CDK14: variants seen among roughly 807,000 people sequenced by gnomAD.
CDK14 encodes the protein cyclin-dependent kinase 14.
A neutral mutation model predicts 60.7 loss-of-function variants in CDK14; 34 were observed. The ratio of observed to expected loss-of-function variants is 0.56; its 90% CI spans 0.43 to 0.75. CDK14 has a LOEUF of 0.75. CDK14 is among the 30% of genes least tolerant of loss of function. CDK14 has a pLI of 0.00. For synonymous variants in CDK14, 197 were observed against 203.7 expected (o/e 0.97, Z 0.28); for missense variants, 482 against 564.1 (o/e 0.85, Z 1.47).
At chr7:91,168,210 C>G (rs966957949) in intron 14 of CDK14, among the ~76,000 whole-genome samples, 1 of 148,106 alleles carries the variant, frequency 6.8e-6, no homozygotes. Flanking sequence ...CGCAGTGAGC[C>G]GAGACCATGC....
At chr7:91,047,480 C>T (rs1034988517) in intron 11 of CDK14, among the ~76,000 whole-genome samples, 1 of 152,140 alleles carries the variant, frequency 6.6e-6, no homozygotes, top group Admixed American at 6.5e-5. Flanking sequence ...TTCATGACAC[C>T]AGGGACTGTT....
At chr7:90,731,176 T>G (rs1319914912) in intron 3 of CDK14, among the ~76,000 whole-genome samples, 1 of 152,218 alleles carries the variant, frequency 6.6e-6, no homozygotes, top group Non-Finnish European at 1.5e-5. Flanking sequence ...ATGTGTGGTG[T>G]TATTTCTCAG....
chr7:91,172,353 T>C (rs558884764), intron 14 of CDK14, among the ~76,000 whole-genome samples: 2 of 152,216 alleles, frequency 1.3e-5, no homozygotes, highest in South Asian at 2.1e-4. Context: ...CTCCTAAATA[T>C]TGTCTTAAAA....
At chr7:90,957,064 G>T (rs531175540) in intron 9 of CDK14, among the ~76,000 whole-genome samples, 5 of 149,694 alleles carry the variant, frequency 3.3e-5, no homozygotes, top group South Asian at 2.2e-4. Context: ...GAATAATGCC[G>T]CAATAAACAT....
intron 12 of CDK14, among the ~76,000 whole-genome samples, chr7:91,106,174 A>G (rs75159132): frequency 0.073 from 11,162 of 152,256 alleles, 588 homozygotes; most frequent in Non-Finnish European, 0.11. Flanking sequence ...CACAGTGAGT[A>G]CCAAGCAGGT....
Position 90,944,120 on chromosome 7 carries a change from C to T in CDK14, c.827-11577C>T, listed in dbSNP as rs116550071. ...TCCACTTCTCTACAACATGATGACA[C>T]AATACCAAAGTCTATCCAGATGCCA... On this transcript the variant is annotated intron_variant, in intron 8 of 14. Transcript: ENST00000380050. Among the ~76,000 whole-genome samples, 1,185 of 152,266 alleles carry T rather than the reference C, an allele frequency of 7.8e-3. 20 individuals carry two copies. The highest frequency in any genetic ancestry group is 0.028 in the African/African-American group (1,145 of 41,534).
At chr7:91,118,793 G>C (rs902861230) in intron 14 of CDK14, among the ~76,000 whole-genome samples, 2 of 152,166 alleles carry the variant, frequency 1.3e-5, no homozygotes, top group South Asian at 4.1e-4. Context: ...CTGGCTCCTG[G>C]TACGGACCTT....
chr7:91,110,668 G>A (rs559347026), intron 12 of CDK14, among the ~76,000 whole-genome samples: 5 of 152,184 alleles, frequency 3.3e-5, no homozygotes, highest in East Asian at 1.9e-4. Context: ...CAGTTTGGGC[G>A]ATTAATAATA....
intron 14 of CDK14, among the ~76,000 whole-genome samples, chr7:91,187,188 T>C (rs1277603144): frequency 1.5e-4 from 23 of 152,262 alleles, no homozygotes; most frequent in Admixed American, 1.5e-3. Context: ...AATACTCATC[T>C]CGTAGTTCTT....
At chr7:90,853,297 A>T (rs886640333) in intron 5 of CDK14, among the ~76,000 whole-genome samples, 3 of 152,158 alleles carry the variant, frequency 2.0e-5, no homozygotes, top group African/African-American at 7.2e-5. Context: ...ACATCAAAAT[A>T]CCATCAAATT....
chr7:90,759,872 C>T (rs2213981), intron 4 of CDK14, among the ~76,000 whole-genome samples: 29,035 of 152,152 alleles, frequency 0.19, 2,895 homozygotes, highest in South Asian at 0.24. Context: ...TGGTCACTTT[C>T]TCTGCTTATG....
At chr7:91,022,095 G>A (rs1224239722) in intron 10 of CDK14, among the ~76,000 whole-genome samples, 15 of 152,172 alleles carry the variant, frequency 9.9e-5, no homozygotes. Flanking sequence ...GCTGAGAGCT[G>A]CTGGTGAAAG....
chr7:90,646,774 A>G (rs1800477618), intron 2 of CDK14, among the ~76,000 whole-genome samples: 1 of 152,180 alleles, frequency 6.6e-6, no homozygotes, highest in African/African-American at 2.4e-5. Context: ...CATCGTATGG[A>G]TGTACTATAA....
intron 10 of CDK14, among the ~76,000 whole-genome samples, chr7:91,032,277 C>T (rs1796784130): frequency 6.6e-6 from 1 of 152,116 alleles, no homozygotes; most frequent in Non-Finnish European, 1.5e-5. Context: ...TTTCTGTTTA[C>T]TTCATATACC....
At chr7:90,697,719 T>C (rs574351275) in intron 2 of CDK14, among the ~76,000 whole-genome samples, 1 of 152,232 alleles carries the variant, frequency 6.6e-6, no homozygotes, top group African/African-American at 2.4e-5. Flanking sequence ...TTGTAGAATA[T>C]CTAAATAGTA....
intron 14 of CDK14, among the ~76,000 whole-genome samples, chr7:91,171,750 G>A (rs560500412): frequency 4.6e-5 from 7 of 152,188 alleles, no homozygotes; most frequent in South Asian, 2.1e-4. Flanking sequence ...GGATTCAAGC[G>A]ATTCTTCTGC....
intron 1 of CDK14, among the ~76,000 whole-genome samples, chr7:90,603,855 T>C (rs1799365296): frequency 6.6e-6 from 1 of 152,210 alleles, no homozygotes; most frequent in Non-Finnish European, 1.5e-5. Context: ...TGATATCTTC[T>C]CAAAACCCAG....
intron 10 of CDK14, among the ~76,000 whole-genome samples, chr7:91,035,833 C>CGT (rs765764443): frequency 2.0e-5 from 2 of 99,230 alleles, no homozygotes; most frequent in East Asian, 3.3e-4. Context: ...GCTTCATGGT[C>CGT]TTTTTTTTTT....
intron 1 of CDK14, among the ~76,000 whole-genome samples, chr7:90,602,114 G>A (rs555950046): frequency 1.6e-4 from 24 of 152,214 alleles, no homozygotes; most frequent in African/African-American, 5.8e-4. Flanking sequence ...GTGGGGTAGT[G>A]TCAACTGTAG....
Sources: gnomAD v4.1 joint callset for allele counts (sites outside exome capture counted in the v4.1 genomes callset) on GRCh38, gnomAD v4.1.1 for gene constraint, MANE v1.5 for transcripts, NCBI Gene and HGNC (gene_info 2026-07-23, HGNC 2026-07-21) for gene names.